KCNQ4: variants seen among roughly 807,000 people sequenced by gnomAD.
The protein encoded by KCNQ4 is potassium voltage-gated channel subfamily Q member 4, also known as potassium voltage-gated channel subfamily KQT member 4.
In KCNQ4, 31 loss-of-function variants were observed where a neutral mutation model predicts 72.6. The observed-to-expected ratio is 0.43, with a 90% CI of 0.32 to 0.58. KCNQ4 has a LOEUF of 0.58. KCNQ4 is among the 20% of genes least tolerant of loss of function. The pLI, the probability that KCNQ4 is intolerant of heterozygous loss-of-function variation, is 0.08. For missense variants in KCNQ4, 869 were observed against 962.6 expected (o/e 0.90, Z 1.29); for synonymous variants, 405 against 403.7 (o/e 1.00, Z -0.04).
chr1:40,804,976 T>C (rs150420539), intron 1 of KCNQ4: 142 of 152,252 alleles, frequency 9.3e-4, no homozygotes, highest in African/African-American at 3.3e-3. Flanking sequence ...GGCATAAATA[T>C]GGTGACCTCC....
Position 40,788,810 on chromosome 1 carries a change from C to A in KCNQ4, c.314+4403C>A, listed in dbSNP as rs1416260235. 6.6e-6 allele frequency among the ~76,000 whole-genome samples: 1 copy of A among 152,214 alleles called. No individual in the cohort carries two copies. On this transcript the variant is annotated intron_variant, in intron 1 of 13. Coordinates refer to ENST00000347132, the MANE Select transcript of KCNQ4 (RefSeq NM_004700.4). This position sits in a 1 kb window ranked among gnomAD's most constrained non-coding sequence, Gnocchi z 4.5. Reference sequence around the variant, plus strand: ...AAACTGCCAGCCTCACCCAGTGCAGCCACGTTTTAGTTGTAGACCACGTCA... The same window carrying A: ...AAACTGCCAGCCTCACCCAGTGCAGACACGTTTTAGTTGTAGACCACGTCA...
At chr1:40,824,766 AAG>A (rs1183429958) in intron 9 of KCNQ4, among the ~76,000 whole-genome samples, 4 of 152,150 alleles carry the variant, frequency 2.6e-5, no homozygotes, top group Admixed American at 6.5e-5. Context: ...GCCAGCTGGA[AAG>A]AGAGCTCTGT....
At chr1:40,808,326 C>G (rs1284330994) in intron 1 of KCNQ4, among the ~76,000 whole-genome samples, 2 of 152,088 alleles carry the variant, frequency 1.3e-5, no homozygotes, top group Non-Finnish European at 2.9e-5. Context: ...GATAATCAAG[C>G]CTTAAAAACA....
At chr1:40,821,491 G>C (rs907369979) in intron 7 of KCNQ4, among the ~76,000 whole-genome samples, 2 of 152,092 alleles carry the variant, frequency 1.3e-5, no homozygotes, top group African/African-American at 4.8e-5. Context: ...TGGAGGGAGA[G>C]GGACAGTCTC....
chr1:40,838,240 A>T lies in KCNQ4; in HGVS notation c.1876-71A>T, dbSNP rs564737052. 1.0e-5 allele frequency: 14 copies of T among 1,346,540 alleles called. No individual in the cohort carries two copies. In the Admixed American group the frequency reaches 1.9e-4, roughly 18 times the overall value. 83.4% of individuals were successfully genotyped at this position (1,346,540 alleles called of 1,614,324 possible). ...TCCACCGGCTAGGGTCCGCCCCGAG[A>T]CCCAAGCCCCGCCCCCGGCCGCGTC... On this transcript the variant is annotated intron_variant, in intron 13 of 13. Transcript: ENST00000347132.
chr1:40,831,312 C>T lies in KCNQ4; in HGVS notation c.1513+8C>T, dbSNP rs1264234981. On this transcript the variant is annotated splice_region_variant and intron_variant, in intron 10 of 13. Transcript: ENST00000347132. Reference sequence around the variant, plus strand: ...CCCGCACCTCTGCTGAGGGTAAGCCCCCGGGGGGCTGAGTCCGATCGAGGG... The same window carrying T: ...CCCGCACCTCTGCTGAGGGTAAGCCTCCGGGGGGCTGAGTCCGATCGAGGG... The T allele has an allele frequency of 6.3e-7, 1 of 1,582,920 alleles. No homozygotes were observed. Among genetic ancestry groups the T allele is most frequent in the Admixed American group, 1.8e-5 (1 of 54,872 alleles).
At chr1:40,820,639 A>G (rs1411634671) in intron 7 of KCNQ4, among the ~76,000 whole-genome samples, 1 of 152,218 alleles carries the variant, frequency 6.6e-6, no homozygotes, top group African/African-American at 2.4e-5. Context: ...CAGCACCTTC[A>G]TTCATTCATT....
At chr1:40,822,584 A>G (rs1356521069) in intron 8 of KCNQ4, among the ~76,000 whole-genome samples, 182 bp downstream of exon 8, 3 of 152,144 alleles carry the variant, frequency 2.0e-5, no homozygotes, top group Admixed American at 1.3e-4. Context: ...CCACTCTGCT[A>G]TGCCCAGGGA....
chr1:40,803,475 C>T (rs1450616466), intron 1 of KCNQ4, among the ~76,000 whole-genome samples: 3 of 152,218 alleles, frequency 2.0e-5, no homozygotes, highest in Non-Finnish European at 4.4e-5. Flanking sequence ...CTCTCACAGC[C>T]ACCACTCAGG....
chr1:40,798,680 G>A (rs747006121), intron 1 of KCNQ4, among the ~76,000 whole-genome samples: 1 of 152,228 alleles, frequency 6.6e-6, no homozygotes, highest in Non-Finnish European at 1.5e-5. Context: ...CGCTCTCAGC[G>A]AAAATCAGTT....
At chr1:40,804,219 G>C (rs1018717756) in intron 1 of KCNQ4, among the ~76,000 whole-genome samples, 1 of 152,226 alleles carries the variant, frequency 6.6e-6, no homozygotes, top group Non-Finnish European at 1.5e-5. Context: ...GAAGGGCAGG[G>C]GCAGGTCCCA....
intron 1 of KCNQ4, among the ~76,000 whole-genome samples, chr1:40,812,030 C>G (rs935476831): frequency 6.6e-6 from 1 of 152,148 alleles, no homozygotes; most frequent in Non-Finnish European, 1.5e-5. Context: ...TTCACCTTGT[C>G]TCCTCTACCC....
At chr1:40,787,107 G>A (rs1647210904) in intron 1 of KCNQ4, among the ~76,000 whole-genome samples, 1 of 152,182 alleles carries the variant, frequency 6.6e-6, no homozygotes, top group Admixed American at 6.5e-5. Context: ...AAGGGCTCTG[G>A]GCGGGGCGCA....
intron 11 of KCNQ4, among the ~76,000 whole-genome samples, chr1:40,833,824 T>C (rs1648730431): frequency 6.8e-6 from 1 of 146,276 alleles, no homozygotes; most frequent in African/African-American, 2.5e-5. Flanking sequence ...TAGTGAAATC[T>C]TGTCTTTGCA....
At chr1:40,820,342 C>T in intron 7 of KCNQ4, 82 bp downstream of exon 7, 1 of 1,201,858 alleles carries the variant, frequency 8.3e-7, no homozygotes. Context: ...TGACCCATGT[C>T]CCCAGCCCAA....
In KCNQ4 at chr1:40,833,714, A is replaced by G. The variant is rs567051096; in HGVS notation, c.1613+601A>G. ...TTGTATTCCTTTTAAAATTAGAGTC[A>G]GGCTGGGCGTGGTGGCTCATGCCTG... On this transcript the variant is annotated intron_variant, in intron 11 of 13. Coordinates refer to ENST00000347132, the MANE Select transcript of KCNQ4 (RefSeq NM_004700.4). 1.6e-3 allele frequency among the ~76,000 whole-genome samples: 248 copies of G among 150,426 alleles called. 1 individual carries two copies. The highest frequency in any genetic ancestry group is 3.6e-3 in the Middle Eastern group (1 of 274).
chr1:40,831,317 G>A lies in KCNQ4; in HGVS notation c.1513+13G>A, dbSNP rs1425487034. 29 of 1,577,932 alleles carry A rather than the reference G, an allele frequency of 1.8e-5. No individual in the cohort carries two copies. The highest frequency in any genetic ancestry group is 2.5e-5 in the Non-Finnish European group (29 of 1,161,220). On this transcript the variant is annotated intron_variant, in intron 10 of 13. Coordinates refer to ENST00000347132, the MANE Select transcript of KCNQ4 (RefSeq NM_004700.4). ...ACCTCTGCTGAGGGTAAGCCCCCGG[G>A]GGGCTGAGTCCGATCGAGGGCCGGC...
chr1:40,817,204 G>T lies in KCNQ4; in HGVS notation c.315-61G>T, dbSNP rs559402583. ...CTTGGCTCTGTAACCCCCTGCCAGG[G>T]GCACCTTGGCTGTCCTGTCCCTCCA... On this transcript the variant is annotated intron_variant, in intron 1 of 13. Transcript: ENST00000347132. This position sits in a 1 kb window ranked among gnomAD's most constrained non-coding sequence, Gnocchi z 5.5. 23 of 1,373,760 alleles carry T rather than the reference G, an allele frequency of 1.7e-5. 1 individual carries two copies. In the African/African-American group the frequency reaches 2.6e-4, roughly 15 times the overall value. 85.1% of individuals were successfully genotyped at this position (1,373,760 alleles called of 1,614,324 possible). A position where few individuals can be genotyped will look rare whatever the true frequency, so the allele number is the denominator to read the frequency against.
At position 40,838,260 on chromosome 1, in the gene KCNQ4, C is replaced by T. The variant is rs541294252; in HGVS notation, c.1876-51C>T. The T allele has an allele frequency of 1.4e-5, 21 of 1,543,028 alleles. No homozygotes were observed. In the South Asian group the frequency reaches 1.9e-4, roughly 14 times the overall value. The stretch of plus-strand genomic sequence containing the variant: ...CCGAGACCCAAGCCCCGCCCCCGGC[C>T]GCGTCCCCTCCGGTCCCAGGCCCTG... On this transcript the variant is annotated intron_variant, in intron 13 of 13. Transcript: ENST00000347132.
Sources: gnomAD v4.1 joint callset for allele counts (sites outside exome capture counted in the v4.1 genomes callset) on GRCh38, gnomAD v4.1.1 for gene constraint, Gnocchi (gnomAD v3.1) non-coding constraint, MANE v1.5 for transcripts, NCBI Gene and HGNC (gene_info 2026-07-23, HGNC 2026-07-21) for gene names.